Variants in EPB41L4A observed in about 807,000 individuals in gnomAD.
The protein encoded by EPB41L4A is band 4.1-like protein 4A.
EPB41L4A carries 100 observed loss-of-function variants against 108.6 expected under a neutral mutation model. That is an observed-to-expected ratio of 0.92 (90% CI 0.78 to 1.09). The LOEUF (loss-of-function observed/expected upper bound fraction) is 1.09, where lower values mean the gene tolerates loss of function less well. Ranked by LOEUF, EPB41L4A falls within the 50% of genes least tolerant of loss-of-function variation. The pLI, the probability that EPB41L4A is intolerant of heterozygous loss-of-function variation, is 0.00. For synonymous variants in EPB41L4A, 319 were observed against 289.0 expected (o/e 1.10, Z -1.05); for missense variants, 1,030 against 842.7 (o/e 1.22, Z -2.75).
intron 2 of EPB41L4A, among the ~76,000 whole-genome samples, chr5:112,301,637 A>G (rs1418270233): frequency 6.6e-6 from 1 of 152,174 alleles, no homozygotes; most frequent in Non-Finnish European, 1.5e-5. Flanking sequence ...GTAGTTCTGG[A>G]GCAAAATTTC....
chr5:112,277,183 T>C (rs762868794), intron 3 of EPB41L4A, among the ~76,000 whole-genome samples: 2 of 152,030 alleles, frequency 1.3e-5, no homozygotes, highest in African/African-American at 2.4e-5. Flanking sequence ...GCAGCTGGGG[T>C]TGGTACCTAG....
At chr5:112,300,306 T>G (rs984779995) in intron 2 of EPB41L4A, among the ~76,000 whole-genome samples, 1 of 152,212 alleles carries the variant, frequency 6.6e-6, no homozygotes, top group Non-Finnish European at 1.5e-5. Flanking sequence ...GTTTCAAGAT[T>G]TGGAGCTCCT....
chr5:112,359,844 G>A (rs938722061), intron 1 of EPB41L4A, among the ~76,000 whole-genome samples: 9 of 152,032 alleles, frequency 5.9e-5, no homozygotes, highest in African/African-American at 2.2e-4. Flanking sequence ...CCAGCCAAAA[G>A]TCTTGATGAG....
At chr5:112,260,002 A>G in intron 7 of EPB41L4A, 23 bp from the exon 8 acceptor site, 1 of 1,460,844 alleles carries the variant, frequency 6.8e-7, no homozygotes. Flanking sequence ...ACATATGCCT[A>G]TAACCACATA....
intron 1 of EPB41L4A, among the ~76,000 whole-genome samples, chr5:112,346,502 A>C (rs1318938525): frequency 6.6e-6 from 1 of 152,144 alleles, no homozygotes; most frequent in Non-Finnish European, 1.5e-5. Flanking sequence ...GATTACAGGC[A>C]TGAGCCACTG....
At chr5:112,307,169 G>A (rs969677516) in intron 2 of EPB41L4A, among the ~76,000 whole-genome samples, 4 of 152,206 alleles carry the variant, frequency 2.6e-5, no homozygotes, top group South Asian at 2.1e-4. Flanking sequence ...CTGCAAAGAC[G>A]ACTACACATG....
intron 1 of EPB41L4A, among the ~76,000 whole-genome samples, chr5:112,394,030 A>C (rs1761153618): frequency 6.6e-6 from 1 of 152,206 alleles, no homozygotes; most frequent in Admixed American, 6.5e-5. Context: ...CCTTTGACAA[A>C]ATTCAACAGC....
chr5:112,184,053 C>A lies in EPB41L4A; in HGVS notation c.1585G>T (p.Asp529Tyr), dbSNP rs757618909. 1.9e-6 allele frequency: 3 copies of A among 1,613,828 alleles called. No individual in the cohort carries two copies. Among genetic ancestry groups the A allele is most frequent in the African/African-American group, 1.3e-5 (1 of 74,896 alleles). The change falls in exon 18 of 23, where the codon GAC (aspartate) becomes TAC (tyrosine). Residue 529 changes from aspartate to tyrosine, a missense_variant. Coordinates refer to ENST00000261486, the MANE Select transcript of EPB41L4A (RefSeq NM_022140.5). ...TGTCTGGATCGCCTGTTGTTGGGGT[C>A]GGCTTGGTTTTTTTCCTTTTGTCTC... ...LRRQKEKNQA[D>Y]PNNRRSRHRS...
chr5:112,286,615 T>C (rs1453753893), intron 2 of EPB41L4A, among the ~76,000 whole-genome samples: 2 of 152,220 alleles, frequency 1.3e-5, no homozygotes, highest in Non-Finnish European at 2.9e-5. Context: ...GCTTGTGTTC[T>C]GCCTTCTCTC....
rs574686262 is a variant in EPB41L4A, at chr5:112,228,598, T to C, written c.1087+6036A>G. 1.5e-3 allele frequency: 823 copies of C among 556,390 alleles called. 1 individual carries two copies. Among genetic ancestry groups the C allele is most frequent in the Non-Finnish European group, 1.8e-3 (780 of 438,082 alleles). The allele number at this position is 556,390 out of a possible 1,614,324, so 34.5% of individuals were successfully genotyped here. Reference sequence around the variant, plus strand: ...CAAAGCCTTGTGTATCCATCCCAAATGGCTTCACCCATTACTTTTCTTATA... The same window carrying C: ...CAAAGCCTTGTGTATCCATCCCAAACGGCTTCACCCATTACTTTTCTTATA... On this transcript the variant is annotated intron_variant, in intron 12 of 22. Transcript: ENST00000261486.
chr5:112,173,960 T>C (rs1187797848), intron 18 of EPB41L4A, among the ~76,000 whole-genome samples: 1 of 152,122 alleles, frequency 6.6e-6, no homozygotes, highest in Non-Finnish European at 1.5e-5. Context: ...GTTATCTTAA[T>C]CTGAACGAGA....
chr5:112,261,298 T>A (rs1751467590), intron 7 of EPB41L4A, among the ~76,000 whole-genome samples: 1 of 152,150 alleles, frequency 6.6e-6, no homozygotes, highest in African/African-American at 2.4e-5. Flanking sequence ...TTGGAGGAAA[T>A]GCTAATGAGC....
chr5:112,386,917 T>A (rs151206467), intron 1 of EPB41L4A, among the ~76,000 whole-genome samples: 1,771 of 152,084 alleles, frequency 0.012, 26 homozygotes, highest in South Asian at 0.038. Flanking sequence ...CTGCTATCCA[T>A]CCCCACTCCC....
At chr5:112,241,578 A>G (rs906455994) in intron 9 of EPB41L4A, among the ~76,000 whole-genome samples, 2 of 152,258 alleles carry the variant, frequency 1.3e-5, no homozygotes, top group Non-Finnish European at 2.9e-5. Flanking sequence ...TTTAAAAAGC[A>G]ATAGAGCATA....
chr5:112,277,749 T>C (rs78924043), intron 3 of EPB41L4A, among the ~76,000 whole-genome samples: 9,152 of 152,234 alleles, frequency 0.06, 374 homozygotes, highest in East Asian at 0.18. Context: ...CAGAAAGCAA[T>C]CAAAGGCTAT....
chr5:112,415,953 T>C (rs1762693618), intron 1 of EPB41L4A, among the ~76,000 whole-genome samples: 1 of 150,596 alleles, frequency 6.6e-6, no homozygotes, highest in Admixed American at 6.6e-5. Context: ...GATGCAAAGA[T>C]ACTGTGTTTT....
chr5:112,209,698 AAG>A (rs1418513204), intron 13 of EPB41L4A, among the ~76,000 whole-genome samples, 192 bp downstream of exon 13: 1 of 152,232 alleles, frequency 6.6e-6, no homozygotes, highest in Non-Finnish European at 1.5e-5. Context: ...TTCTTCAAAT[AAG>A]AGAGTCAGGT....
At chr5:112,242,983 G>A (rs1222102304) in intron 9 of EPB41L4A, among the ~76,000 whole-genome samples, 1 of 152,128 alleles carries the variant, frequency 6.6e-6, no homozygotes, top group African/African-American at 2.4e-5. Flanking sequence ...GGGAGCTGAG[G>A]CAGGCGGATC....
intron 12 of EPB41L4A, among the ~76,000 whole-genome samples, chr5:112,149,173 G>C (rs972601828): frequency 6.6e-6 from 1 of 152,086 alleles, no homozygotes; most frequent in Non-Finnish European, 1.5e-5. Flanking sequence ...ATTAGATCAA[G>C]TTACTTTAAG....
Sources: allele counts gnomAD v4.1 joint callset (sites outside exome capture counted in the v4.1 genomes callset), GRCh38; gene constraint gnomAD v4.1.1; transcripts MANE v1.5; gene names NCBI Gene and HGNC (gene_info 2026-07-23, HGNC 2026-07-21).